Variants in SLC17A2 observed in about 807,000 individuals in gnomAD.
SLC17A2 encodes the protein solute carrier family 17 member 2.
In SLC17A2, 38 loss-of-function variants were observed where a neutral mutation model predicts 52.1. The ratio of observed to expected loss-of-function variants is 0.73; its 90% CI spans 0.56 to 0.96. The LOEUF is 0.96. Among genes scored for constraint, SLC17A2 ranks in the 40% least tolerant of loss-of-function variants. The pLI, the probability that SLC17A2 is intolerant of heterozygous loss-of-function variation, is 0.00. For missense variants in SLC17A2, 508 were observed against 583.9 expected (o/e 0.87, Z 1.34); for synonymous variants, 226 against 211.9 (o/e 1.07, Z -0.58).
chr6:25,918,246 G>A (rs1481298879), intron 6 of SLC17A2, among the ~76,000 whole-genome samples: 3 of 152,192 alleles, frequency 2.0e-5, no homozygotes, highest in African/African-American at 2.4e-5. Flanking sequence ...ATCACAAGTC[G>A]GTGGGTGCCA....
intron 2 of SLC17A2, among the ~76,000 whole-genome samples, chr6:25,924,327 T>C (rs760952645): frequency 6.6e-6 from 1 of 152,168 alleles, no homozygotes; most frequent in Non-Finnish European, 1.5e-5. Flanking sequence ...TCACAAAGCT[T>C]GAGAGTTTAT....
intron 8 of SLC17A2, 97 bp downstream of exon 8, chr6:25,916,588 A>T: frequency 1.0e-6 from 1 of 993,006 alleles, no homozygotes; most frequent in Non-Finnish European, 1.5e-6. Flanking sequence ...AGGTTAAATT[A>T]ATGGTTATAT....
intron 3 of SLC17A2, among the ~76,000 whole-genome samples, chr6:25,921,776 C>T (rs1031216435): frequency 2.6e-5 from 4 of 151,950 alleles, no homozygotes; most frequent in African/African-American, 9.7e-5. Flanking sequence ...TTTTTTAAAA[C>T]ACACACACAA....
chr6:25,924,456 G>A (rs1766678906), intron 2 of SLC17A2, among the ~76,000 whole-genome samples: 1 of 151,744 alleles, frequency 6.6e-6, no homozygotes, highest in South Asian at 2.1e-4. Context: ...ATGTCTACTT[G>A]GAAATGTTAT....
intron 1 of SLC17A2, among the ~76,000 whole-genome samples, chr6:25,927,160 C>T (rs59943357): frequency 0.03 from 4,611 of 152,164 alleles, 151 homozygotes; most frequent in African/African-American, 0.077. Flanking sequence ...AAGACTTGTC[C>T]GTACTTTAAA....
intron 10 of SLC17A2, 75 bp downstream of exon 10, chr6:25,915,424 G>C (rs1400046457): frequency 7.6e-7 from 1 of 1,310,098 alleles, no homozygotes; most frequent in Non-Finnish European, 1.0e-6. Context: ...ACATTAAAGA[G>C]TTTCACGGCG....
chr6:25,920,941 A>G (rs1766528138), intron 5 of SLC17A2, 65 bp downstream of exon 5: 11 of 1,441,710 alleles, frequency 7.6e-6, no homozygotes, highest in African/African-American at 1.4e-5. Flanking sequence ...CATTTGATTC[A>G]TAGAAGATAA....
intron 6 of SLC17A2, among the ~76,000 whole-genome samples, 160 bp from the exon 7 acceptor site, chr6:25,917,247 A>G (rs999881661): frequency 6.6e-6 from 1 of 152,228 alleles, no homozygotes; most frequent in African/African-American, 2.4e-5. Flanking sequence ...CAATCCTTCT[A>G]CAAACCTGTT....
At chr6:25,920,889 G>C in intron 5 of SLC17A2, 117 bp downstream of exon 5, 1 of 876,956 alleles carries the variant, frequency 1.1e-6, no homozygotes, top group Non-Finnish European at 1.8e-6. Context: ...GTCTTATATT[G>C]TTGAATTTTT....
At chr6:25,926,996 G>A (rs557279272) in intron 1 of SLC17A2, among the ~76,000 whole-genome samples, 158 of 152,282 alleles carry the variant, frequency 1.0e-3, no homozygotes, top group Non-Finnish European at 1.4e-3. Context: ...AACCCAAGAG[G>A]CAAAGGTTGC....
rs1766646039 is a variant in SLC17A2, at chr6:25,923,740, A to T, written c.195T>A (p.Asp65Glu). The T allele has an allele frequency of 6.2e-7, 1 of 1,614,082 alleles. No homozygotes were observed. Among genetic ancestry groups the T allele is most frequent in the Non-Finnish European group, 8.5e-7 (1 of 1,180,042 alleles). The change falls in exon 3 of 12, where the codon GAT becomes GAA. Residue 65 changes from aspartate (D) to glutamate (E), a missense_variant. Transcript: ENST00000377850. ...SNASTEGPVA[D>E]AFNNSSISIK... ...TGGATATGCTGGAGTTATTGAAGGC[A>T]TCTGCAACAGGCCCCTCAGTGGAGG...
intron 2 of SLC17A2, 23 bp downstream of exon 2, chr6:25,925,746 G>A: frequency 6.2e-7 from 1 of 1,610,342 alleles, no homozygotes; most frequent in Non-Finnish European, 8.5e-7. Context: ...AACATAGCCT[G>A]CAAACAAGAG....
intron 3 of SLC17A2, among the ~76,000 whole-genome samples, chr6:25,922,579 T>C (rs1350905433): frequency 6.6e-6 from 1 of 152,186 alleles, no homozygotes; most frequent in East Asian, 1.9e-4. Flanking sequence ...AGTGTGGATA[T>C]GTAGACGGGA....
At chr6:25,920,184 T>C (rs1171599918) in intron 5 of SLC17A2, among the ~76,000 whole-genome samples, 1 of 151,978 alleles carries the variant, frequency 6.6e-6, no homozygotes, top group African/African-American at 2.4e-5. Flanking sequence ...CGCAGGAGGG[T>C]TGCTTGAGGT....
In SLC17A2 at chr6:25,925,871, G is replaced by A; in HGVS notation, c.-75C>T. On this transcript the variant is annotated 5_prime_UTR_variant, in exon 2 of 12. Coordinates refer to ENST00000377850, the MANE Select transcript of SLC17A2 (RefSeq NM_001286123.3). ...GCCCTGAATCTCTTTTACTACGACA[G>A]TCTTTTATCTATGGAGAGAACATAA... 7.1e-7 allele frequency: 1 copy of A among 1,410,776 alleles called. No homozygotes were observed. Among genetic ancestry groups the A allele is most frequent in the Non-Finnish European group, 1.0e-6 (1 of 994,506 alleles). The allele number at this position is 1,410,776 out of a possible 1,614,324, so 87.4% of individuals were successfully genotyped here. A position where few individuals can be genotyped will look rare whatever the true frequency, so the allele number is the denominator to read the frequency against.
chr6:25,921,115 C>A, intron 4 of SLC17A2, 22 bp from the exon 5 acceptor site: 2 of 1,613,692 alleles, frequency 1.2e-6, no homozygotes, highest in Non-Finnish European at 1.7e-6. Context: ...ATCATTAAGA[C>A]CTTTGATATT....
intron 5 of SLC17A2, among the ~76,000 whole-genome samples, chr6:25,918,894 T>G (rs1561877079): frequency 6.6e-6 from 1 of 152,242 alleles, no homozygotes; most frequent in Non-Finnish European, 1.5e-5. Flanking sequence ...GTTGCATTCT[T>G]GCATGATCTA....
At chr6:25,930,114 G>C (rs1220785714) in intron 1 of SLC17A2, among the ~76,000 whole-genome samples, 163 bp downstream of exon 1, 1 of 152,130 alleles carries the variant, frequency 6.6e-6, no homozygotes, top group South Asian at 2.1e-4. Flanking sequence ...CACCAGGCCC[G>C]GCCATGTTCT....
intron 3 of SLC17A2, among the ~76,000 whole-genome samples, chr6:25,923,119 G>A (rs1343451622): frequency 2.0e-5 from 3 of 152,060 alleles, no homozygotes; most frequent in East Asian, 1.9e-4. Flanking sequence ...CCCGGGAGGC[G>A]GAGGCTGCAG....
Sources: gnomAD v4.1 joint callset for allele counts (sites outside exome capture counted in the v4.1 genomes callset) on GRCh38, gnomAD v4.1.1 for gene constraint, MANE v1.5 for transcripts, NCBI Gene and HGNC (gene_info 2026-07-23, HGNC 2026-07-21) for gene names.